ACVR2B: variants seen among roughly 807,000 people sequenced by gnomAD.
ACVR2B encodes the protein activin receptor type-2B.
ACVR2B carries 18 observed loss-of-function variants against 65.1 expected under a neutral mutation model. That is an observed-to-expected ratio of 0.28 (90% CI 0.19 to 0.41). The LOEUF (loss-of-function observed/expected upper bound fraction) is 0.41, where lower values mean the gene tolerates loss of function less well. Ranked by LOEUF, ACVR2B falls within the 10% of genes least tolerant of loss-of-function variation. The pLI is 1.00. For synonymous variants in ACVR2B, 298 were observed against 277.7 expected (o/e 1.07, Z -0.73); for missense variants, 482 against 682.7 (o/e 0.71, Z 3.28).
rs1357737810 is a variant in ACVR2B, at chr3:38,492,686, T to C, written c.*9354T>C. 6.7e-6 allele frequency: 1 copy of C among 149,986 alleles called. No individual in the cohort carries two copies. The highest frequency in any genetic ancestry group is 2.5e-5 in the African/African-American group (1 of 40,560). 9.3% of individuals were successfully genotyped at this position (149,986 alleles called of 1,614,324 possible). ...TATACAGAGTTAAGCTTGTTGCTGT[T>C]ACCCTGTCTGGATTTGAAAAGTGTG... On this transcript the variant is annotated 3_prime_UTR_variant, in exon 11 of 11. Transcript: ENST00000352511.
intron 1 of ACVR2B, among the ~76,000 whole-genome samples, chr3:38,472,497 C>G (rs547428468): frequency 5.7e-4 from 87 of 152,182 alleles, no homozygotes; most frequent in African/African-American, 2.0e-3. Context: ...AGTGTGCTGG[C>G]AGAAGCAGAC....
intron 1 of ACVR2B, chr3:38,473,453 G>A (rs1321838993): frequency 6.6e-6 from 1 of 152,404 alleles, no homozygotes; most frequent in Non-Finnish European, 1.5e-5. Flanking sequence ...CTATTAAAAG[G>A]CAGAGGTGGC....
At chr3:38,474,438 C>G (rs138617503) in intron 1 of ACVR2B, 30 of 152,518 alleles carry the variant, frequency 2.0e-4, no homozygotes, top group African/African-American at 7.0e-4. Context: ...TTGTCCCCTC[C>G]TTTCGACATG....
At position 38,483,491 on chromosome 3, in the gene ACVR2B, T is replaced by A. The variant is rs1006505230; in HGVS notation, c.*159T>A. 5.4e-5 allele frequency: 16 copies of A among 294,294 alleles called. No homozygotes were observed. Among genetic ancestry groups the A allele is most frequent in the African/African-American group, 1.8e-4 (8 of 43,960 alleles). The allele number at this position is 294,294 out of a possible 1,614,324, so 18.2% of individuals were successfully genotyped here. On this transcript the variant is annotated 3_prime_UTR_variant, in exon 11 of 11. Transcript: ENST00000352511. The surrounding 1 kb of genome is among the most constrained non-coding windows in gnomAD (Gnocchi z 4.8). ...TTATTATTATTATAATTATTATAAT[T>A]ATTATTATTAATATTATTTTTTGGA...
rs1709925973 is a variant in ACVR2B, at chr3:38,477,169, C to T, written c.53-118C>T. The T allele has an allele frequency of 4.1e-6, 5 of 1,231,094 alleles. No individual in the cohort carries two copies. The highest frequency in any genetic ancestry group is 5.8e-6 in the Non-Finnish European group (5 of 865,584). 76.3% of individuals were successfully genotyped at this position (1,231,094 alleles called of 1,614,324 possible). On this transcript the variant is annotated intron_variant, in intron 1 of 10. Transcript: ENST00000352511. This position sits in a 1 kb window ranked among gnomAD's most constrained non-coding sequence, Gnocchi z 6.7. Reference sequence around the variant, plus strand: ...GGGGTGAGTGCAGGAGGTTGGTGACCCCAACCCACCACCCGGCCTCCCTCC... The same window carrying T: ...GGGGTGAGTGCAGGAGGTTGGTGACTCCAACCCACCACCCGGCCTCCCTCC...
At chr3:38,480,314 C>T (rs567473746) in intron 7 of ACVR2B, among the ~76,000 whole-genome samples, 3 of 152,246 alleles carry the variant, frequency 2.0e-5, no homozygotes, top group African/African-American at 7.2e-5. Flanking sequence ...TATAGATTCC[C>T]TTGGAACAGT....
At position 38,478,251 on chromosome 3, in the gene ACVR2B, C is replaced by A. The variant is rs375094633; in HGVS notation, c.481C>A (p.Arg161=). 2 of 1,613,956 alleles carry A rather than the reference C, an allele frequency of 1.2e-6. No homozygotes were observed. The highest frequency in any genetic ancestry group is 8.5e-7 in the Non-Finnish European group (1 of 1,180,014). ...CGTCCTGCTGGCCTTTTGGATGTAC[C>A]GGCATCGCAAGCCCCCCTACGGTCA... ...LIVLLAFWMY[R]HRKPPYGHVD... The change falls in exon 4 of 11, where the codon CGG becomes AGG. Residue 161 remains arginine, a synonymous_variant. Transcript: ENST00000352511.
chr3:38,473,171 G>A (rs1390363340), intron 1 of ACVR2B, among the ~76,000 whole-genome samples: 1 of 152,188 alleles, frequency 6.6e-6, no homozygotes, highest in Non-Finnish European at 1.5e-5. Context: ...GCCCCTTGGG[G>A]ACACTGCCAC....
chr3:38,459,412 C>G (rs1709603329), intron 1 of ACVR2B, among the ~76,000 whole-genome samples: 1 of 152,246 alleles, frequency 6.6e-6, no homozygotes, highest in Non-Finnish European at 1.5e-5. Context: ...TTAAGGCTGG[C>G]ACTCAGCCTC....
Position 38,477,613 on chromosome 3 carries a change from G to T in ACVR2B, c.260+119G>T. On this transcript the variant is annotated intron_variant, in intron 2 of 10. Coordinates refer to ENST00000352511, the MANE Select transcript of ACVR2B (RefSeq NM_001106.4). This position sits in a 1 kb window ranked among gnomAD's most constrained non-coding sequence, Gnocchi z 6.7. ...TAAAGGACCAAGAAGGGGCTCTTGAGATGGTAGCCATGGCCCCACGCCCTT... is the reference window on the plus strand; with the variant it reads ...TAAAGGACCAAGAAGGGGCTCTTGATATGGTAGCCATGGCCCCACGCCCTT... The T allele has an allele frequency of 7.8e-7, 1 of 1,277,772 alleles. No homozygotes were observed. The highest frequency in any genetic ancestry group is 1.1e-6 in the Non-Finnish European group (1 of 897,978). 79.2% of individuals were successfully genotyped at this position (1,277,772 alleles called of 1,614,324 possible).
chr3:38,478,178 C>T lies in ACVR2B; in HGVS notation c.408C>T (p.Leu136=), dbSNP rs1296834712. 1 of 1,613,356 alleles carries T rather than the reference C, an allele frequency of 6.2e-7. No homozygotes were observed. The highest frequency in any genetic ancestry group is 8.5e-7 in the Non-Finnish European group (1 of 1,179,966). Residue 136 remains leucine, a synonymous_variant, in exon 4 of 11, where the codon CTC becomes CTT. Transcript: ENST00000352511. ...YEPPPTAPTL[L]TVLAYSLLPI... is the part of the protein sequence containing the mutation. ...CACCCCCGACAGCCCCCACCCTGCT[C>T]ACGGTGCTGGCCTACTCACTGCTGC...
chr3:38,479,412 A>T, intron 6 of ACVR2B, 141 bp downstream of exon 6: 1 of 1,320,604 alleles, frequency 7.6e-7, no homozygotes, highest in East Asian at 2.4e-5. Context: ...CTATGGGGTT[A>T]CTCCTGCCAT....
intron 1 of ACVR2B, among the ~76,000 whole-genome samples, chr3:38,461,293 T>C (rs1311389603): frequency 6.6e-6 from 1 of 152,140 alleles, no homozygotes; most frequent in Non-Finnish European, 1.5e-5. Flanking sequence ...TAAGAACTCT[T>C]ATTTTATGCA....
intron 1 of ACVR2B, among the ~76,000 whole-genome samples, chr3:38,466,096 G>A (rs1709721967): frequency 6.6e-6 from 1 of 152,320 alleles, no homozygotes; most frequent in South Asian, 2.1e-4. Flanking sequence ...CATGTTAAGT[G>A]AAATAAGCCA....
At chr3:38,467,277 A>G (rs1464389635) in intron 1 of ACVR2B, among the ~76,000 whole-genome samples, 1 of 152,096 alleles carries the variant, frequency 6.6e-6, no homozygotes, top group Non-Finnish European at 1.5e-5. Flanking sequence ...GAGAAACCCC[A>G]TCTCTCCTAA....
chr3:38,472,173 C>T (rs1448119322), intron 1 of ACVR2B, among the ~76,000 whole-genome samples: 1 of 152,202 alleles, frequency 6.6e-6, no homozygotes, highest in African/African-American at 2.4e-5. Flanking sequence ...CATCTCTACA[C>T]CCCAGCTGCC....
intron 1 of ACVR2B, among the ~76,000 whole-genome samples, chr3:38,469,554 A>G (rs1709786164): frequency 6.6e-6 from 1 of 151,798 alleles, no homozygotes; most frequent in Non-Finnish European, 1.5e-5. Context: ...ATTTATAACC[A>G]TAGGCCTATG....
chr3:38,476,887 T>C, intron 1 of ACVR2B: 1 of 318,786 alleles, frequency 3.1e-6, no homozygotes, highest in Non-Finnish European at 6.0e-6. Context: ...TAAGGGGGCC[T>C]CTTCATCGGT....
rs935510922 is a variant in ACVR2B, at chr3:38,487,710, C to T, written c.*4378C>T. Reference sequence around the variant, plus strand: ...TTTTTAGTATGCAGTATAAAGTTTCCAGCATCTATTGGTAACACAAAGATT... The same window carrying T: ...TTTTTAGTATGCAGTATAAAGTTTCTAGCATCTATTGGTAACACAAAGATT... On this transcript the variant is annotated 3_prime_UTR_variant, in exon 11 of 11. Coordinates refer to ENST00000352511, the MANE Select transcript of ACVR2B (RefSeq NM_001106.4). 1 of 152,138 alleles carries T rather than the reference C, an allele frequency of 6.6e-6. No homozygotes were observed. Among genetic ancestry groups the T allele is most frequent in the Non-Finnish European group, 1.5e-5 (1 of 68,018 alleles). The allele number at this position is 152,138 out of a possible 1,614,324, so 9.4% of individuals were successfully genotyped here.
Sources: gnomAD v4.1 joint callset for allele counts (sites outside exome capture counted in the v4.1 genomes callset) on GRCh38, gnomAD v4.1.1 for gene constraint, Gnocchi (gnomAD v3.1) non-coding constraint, MANE v1.5 for transcripts, NCBI Gene and HGNC (gene_info 2026-07-23, HGNC 2026-07-21) for gene names.